The following ZSCAN5A variants were observed in gnomAD, a reference collection of about 807,000 sequenced individuals.
The protein encoded by ZSCAN5A is zinc finger and SCAN domain containing 5A, also known as zinc finger and SCAN domain-containing protein 5A.
ZSCAN5A carries 12 observed loss-of-function variants against 23.7 expected under a neutral mutation model. That is an observed-to-expected ratio of 0.51 (90% CI 0.32 to 0.82). The LOEUF (loss-of-function observed/expected upper bound fraction) is 0.82. Among genes scored for constraint, ZSCAN5A ranks in the 40% least tolerant of loss-of-function variants. The pLI is 0.03. For missense variants in ZSCAN5A, 597 were observed against 617.9 expected, an observed-to-expected ratio of 0.97 and a Z score of 0.36; for synonymous variants, 257 against 239.9, an observed-to-expected ratio of 1.07 and a Z score of -0.66.
intron 2 of ZSCAN5A, among the ~76,000 whole-genome samples, chr19:56,259,379 G>C (rs1245045170): frequency 6.6e-6 from 1 of 152,022 alleles, no homozygotes; most frequent in Non-Finnish European, 1.5e-5. Flanking sequence ...CTGTAATTCT[G>C]ATCTTACCCT....
At chr19:56,309,359 T>C (rs146073012) in intron 2 of ZSCAN5A, among the ~76,000 whole-genome samples, 8 of 152,312 alleles carry the variant, frequency 5.3e-5, no homozygotes, top group African/African-American at 1.9e-4. Context: ...GATGAAAATG[T>C]TCCACTCTTA....
intron 2 of ZSCAN5A, 56 bp from the exon 3 acceptor site, chr19:56,225,229 C>G (rs1185048828): frequency 2.2e-6 from 3 of 1,393,710 alleles, no homozygotes; most frequent in African/African-American, 2.9e-5. Flanking sequence ...ATCCATCCCT[C>G]CCTTCGAAAT....
intron 2 of ZSCAN5A, chr19:56,246,794 A>T: frequency 6.2e-7 from 1 of 1,608,678 alleles, no homozygotes. Flanking sequence ...GAAAATGTGG[A>T]TGCTGACACA....
intron 2 of ZSCAN5A, among the ~76,000 whole-genome samples, chr19:56,330,371 AG>A (rs1420374109): frequency 1.3e-5 from 2 of 152,210 alleles, no homozygotes; most frequent in African/African-American, 4.8e-5. Flanking sequence ...GCTGGGTCAA[AG>A]GATAGTTCTG....
chr19:56,223,017 C>T (rs1348274569), intron 4 of ZSCAN5A, among the ~76,000 whole-genome samples: 2 of 152,180 alleles, frequency 1.3e-5, no homozygotes, highest in African/African-American at 4.8e-5. Flanking sequence ...CCCGCCGTGC[C>T]AACGTCTCCC....
intron 2 of ZSCAN5A, 108 bp from the exon 3 acceptor site, chr19:56,225,281 G>A: frequency 9.1e-7 from 1 of 1,094,482 alleles, no homozygotes; most frequent in Non-Finnish European, 1.2e-6. Flanking sequence ...ATCGAATTCA[G>A]CACAGTGGAA....
intron 2 of ZSCAN5A, among the ~76,000 whole-genome samples, chr19:56,267,700 C>G (rs757233383): frequency 2.6e-5 from 4 of 152,160 alleles, no homozygotes; most frequent in Non-Finnish European, 5.9e-5. Context: ...CTGCCAATTA[C>G]TAGTGGTGTG....
At chr19:56,294,042 G>A (rs2039696829) in intron 2 of ZSCAN5A, among the ~76,000 whole-genome samples, 1 of 152,184 alleles carries the variant, frequency 6.6e-6, no homozygotes, top group Non-Finnish European at 1.5e-5. Flanking sequence ...CTTTTCCCAG[G>A]CCCTTCTCCA....
At chr19:56,263,729 A>AGTTGAGTAATTGC (rs1476037493) in intron 2 of ZSCAN5A, 1 of 152,252 alleles carries the variant, frequency 6.6e-6, no homozygotes, top group Non-Finnish European at 1.5e-5. Context: ...ATTTAAACAA[A>AGTTGAGTAATTGC]GACAAGGAAT....
intron 2 of ZSCAN5A, among the ~76,000 whole-genome samples, chr19:56,226,940 T>G (rs1233818382): frequency 1.3e-5 from 2 of 151,898 alleles, no homozygotes; most frequent in Non-Finnish European, 2.9e-5. Flanking sequence ...AAAAAAAAAT[T>G]TAAAAAGAAG....
At chr19:56,298,835 A>G (rs1175059308) in intron 2 of ZSCAN5A, among the ~76,000 whole-genome samples, 1 of 152,196 alleles carries the variant, frequency 6.6e-6, no homozygotes, top group African/African-American at 2.4e-5. Context: ...GTCATTTCCC[A>G]ACTCGGTTTT....
chr19:56,267,793 T>C (rs1173133087), intron 2 of ZSCAN5A, among the ~76,000 whole-genome samples: 1 of 152,188 alleles, frequency 6.6e-6, no homozygotes, highest in East Asian at 1.9e-4. Context: ...CTCATAGTGT[T>C]GTAGGAGTTA....
chr19:56,222,243 A>G lies in ZSCAN5A; in HGVS notation c.823T>C (p.Cys275Arg), dbSNP rs750830064. 223 of 1,613,802 alleles carry G rather than the reference A, an allele frequency of 1.4e-4. No homozygotes were observed. Among genetic ancestry groups the G allele is most frequent in the Non-Finnish European group, 1.8e-4 (217 of 1,179,884 alleles). ...ENVDADTPSA[C>R]VVEREASTHS... ...GTCGAAGCTTCTCTCTCCACAACGC[A>G]GGCAGAAGGTGTGTCAGCATCCACA... Residue 275 changes from cysteine (C) to arginine (R), a missense_variant, in exon 6 of 6, where the codon TGC becomes CGC. Physicochemically the swap from Cys to Arg is radical, Grantham distance 180. Around this residue, in one of 5 missense-constraint regions of ZSCAN5A, gnomAD observed 406 missense variants for 353.2 expected, o/e 1.15. Coordinates refer to ENST00000683990, the MANE Select transcript of ZSCAN5A (RefSeq NM_001322064.3).
intron 2 of ZSCAN5A, among the ~76,000 whole-genome samples, chr19:56,328,559 T>C (rs2041457650): frequency 6.6e-6 from 1 of 151,304 alleles, no homozygotes; most frequent in South Asian, 2.1e-4. Flanking sequence ...GGAGAATCAC[T>C]TGAACCGAGG....
In ZSCAN5A at chr19:56,244,360, G is replaced by A. The variant is rs753125180; in HGVS notation, c.-127-19187C>T. The A allele has an allele frequency of 3.1e-6, 5 of 1,593,790 alleles. No individual in the cohort carries two copies. The East Asian group carries it at 1.1e-4, about 36-fold the overall frequency. On this transcript the variant is annotated intron_variant, in intron 2 of 5. Coordinates refer to ENST00000683990, the MANE Select transcript of ZSCAN5A (RefSeq NM_001322064.3). ...AGGAGCTCCAGGTCTTAGTCAAGGT[G>A]AACGGTGTGCAGAGCTGCAAAGACC...
At chr19:56,276,820 A>G (rs2038301064) in intron 2 of ZSCAN5A, among the ~76,000 whole-genome samples, 1 of 152,126 alleles carries the variant, frequency 6.6e-6, no homozygotes, top group Non-Finnish European at 1.5e-5. Flanking sequence ...TACAGGTGTG[A>G]GCCACTGTGC....
intron 2 of ZSCAN5A, among the ~76,000 whole-genome samples, chr19:56,298,765 T>C (rs2147231622): frequency 6.6e-6 from 1 of 152,298 alleles, no homozygotes; most frequent in Non-Finnish European, 1.5e-5. Flanking sequence ...GCTTTAATAG[T>C]GAATTAAAAG....
upstream of ZSCAN5A, chr19:56,315,492 T>C (rs2041291457): frequency 6.6e-6 from 1 of 152,228 alleles, no homozygotes; most frequent in South Asian, 2.1e-4. Flanking sequence ...CTGAATGGGC[T>C]TCGAGTCTCC....
chr19:56,335,438 T>C (rs976767379), intron 2 of ZSCAN5A, among the ~76,000 whole-genome samples: 1 of 152,192 alleles, frequency 6.6e-6, no homozygotes, highest in Non-Finnish European at 1.5e-5. Context: ...ATTTGCTTGG[T>C]AGATCTTCCT....
Sources: allele counts gnomAD v4.1 joint callset (sites outside exome capture counted in the v4.1 genomes callset), GRCh38; gene constraint gnomAD v4.1.1; regional missense constraint gnomAD v4.1.1; transcripts MANE v1.5; gene names NCBI Gene and HGNC (gene_info 2026-07-23, HGNC 2026-07-21).